Variants in AFG1L observed in about 807,000 individuals in gnomAD.
The protein encoded by AFG1L is AFG1-like ATPase.
In AFG1L, 53 loss-of-function variants were observed where a neutral mutation model predicts 62.2. That is an observed-to-expected ratio of 0.85 (90% CI 0.68 to 1.07). The LOEUF (loss-of-function observed/expected upper bound fraction) is 1.07, where lower values mean the gene tolerates loss of function less well. Ranked by LOEUF, AFG1L falls within the 50% of genes least tolerant of loss-of-function variation. The probability of loss-of-function intolerance (pLI) is 0.00; values close to 1 mark genes in which losing one functional copy is unlikely to be tolerated. For missense variants in AFG1L, 555 were observed against 590.5 expected, an observed-to-expected ratio of 0.94 and a Z score of 0.62; for synonymous variants, 228 against 210.3, an observed-to-expected ratio of 1.08 and a Z score of -0.73.
At chr6:108,340,810 A>C (rs1241149425) in intron 2 of AFG1L, among the ~76,000 whole-genome samples, 1 of 152,204 alleles carries the variant, frequency 6.6e-6, no homozygotes, top group East Asian at 1.9e-4. Context: ...GGAATGTCAC[A>C]GGAGGGAGGA....
At chr6:108,373,950 C>CTTAT (rs1312369982) in intron 6 of AFG1L, among the ~76,000 whole-genome samples, 1 of 152,182 alleles carries the variant, frequency 6.6e-6, no homozygotes, top group Non-Finnish European at 1.5e-5. Flanking sequence ...TTTACATTCC[C>CTTAT]ACCAATGGTG....
intron 10 of AFG1L, among the ~76,000 whole-genome samples, chr6:108,497,102 A>G (rs564874874): frequency 6.6e-6 from 1 of 152,296 alleles, no homozygotes; most frequent in South Asian, 2.1e-4. Context: ...ATTGATTTCT[A>G]GAAGTGAAAT....
At chr6:108,519,667 A>G (rs2274776) in intron 11 of AFG1L, 30 bp from the exon 12 acceptor site, 525,539 of 1,148,788 alleles carry the variant, frequency 0.46, 125,025 homozygotes, top group African/African-American at 0.72. Flanking sequence ...TGTAAAGAGT[A>G]ACACATTTAC....
At position 108,510,212 on chromosome 6, in the gene AFG1L, C is replaced by T. The variant is rs765868026; in HGVS notation, c.1063C>T (p.Pro355Ser). The change falls in exon 11 of 13, where the codon CCA becomes TCA. Residue 355 changes from proline to serine, a missense_variant and splice_region_variant. Coordinates refer to ENST00000368977, the MANE Select transcript of AFG1L (RefSeq NM_145315.5). ...DCTFEELCER[P>S]LGASDYLELS... ...TTTCTTTTATTTCATTTTATCATAG[C>T]CACTTGGAGCCAGTGACTATTTGGA... is the stretch of plus-strand genomic sequence containing the variant. The T allele has an allele frequency of 1.9e-6, 3 of 1,595,086 alleles. No individual in the cohort carries two copies. Among genetic ancestry groups the T allele is most frequent in the South Asian group, 1.1e-5 (1 of 87,442 alleles).
intron 5 of AFG1L, 58 bp from the exon 6 acceptor site, chr6:108,366,175 G>T: frequency 9.6e-7 from 1 of 1,043,024 alleles, no homozygotes; most frequent in Non-Finnish European, 1.4e-6. Flanking sequence ...TGATCCACTA[G>T]CAAATTTGTT....
intron 10 of AFG1L, among the ~76,000 whole-genome samples, chr6:108,499,630 T>C (rs1472195327): frequency 6.7e-6 from 1 of 148,630 alleles, no homozygotes; most frequent in Non-Finnish European, 1.5e-5. Flanking sequence ...AGCACACCTG[T>C]AGTTCTAGCT....
chr6:108,431,795 G>A lies in AFG1L; in HGVS notation c.808-15419G>A, dbSNP rs1771088944. Reference sequence around the variant, plus strand: ...GACGGGGTTTCACCATGTTGGCCAGGCTGGTCTCGAACTCCTGACCTCAAG... The same window carrying A: ...GACGGGGTTTCACCATGTTGGCCAGACTGGTCTCGAACTCCTGACCTCAAG... On this transcript the variant is annotated intron_variant, in intron 7 of 12. Coordinates refer to ENST00000368977, the MANE Select transcript of AFG1L (RefSeq NM_145315.5). Among the ~76,000 whole-genome samples the A allele has an allele frequency of 2.0e-5, 3 of 151,610 alleles. No homozygotes were observed. The South Asian group carries it at 6.3e-4, about 32-fold the overall frequency.
chr6:108,395,247 G>A (rs1392503984), intron 6 of AFG1L, among the ~76,000 whole-genome samples: 2 of 151,838 alleles, frequency 1.3e-5, no homozygotes, highest in Non-Finnish European at 1.5e-5. Context: ...ATAAGTATAT[G>A]TGGCATTTGA....
At chr6:108,295,300 A>C in intron 1 of AFG1L, 82 bp downstream of exon 1, 1 of 1,464,320 alleles carries the variant, frequency 6.8e-7, no homozygotes, top group Non-Finnish European at 9.1e-7. Context: ...TGTCCGATCT[A>C]CCCCAGGTGT....
Position 108,463,529 on chromosome 6 carries a change from G to A in AFG1L, c.891-13336G>A, listed in dbSNP as rs1045235636. ...GATGTCATGGTACTGATTTATTTGGGGAAAAATACAATATATAGATTTGAT... is the reference window on the plus strand; with the variant it reads ...GATGTCATGGTACTGATTTATTTGGAGAAAAATACAATATATAGATTTGAT... On this transcript the variant is annotated intron_variant, in intron 8 of 12. Coordinates refer to ENST00000368977, the MANE Select transcript of AFG1L (RefSeq NM_145315.5). Among the ~76,000 whole-genome samples, 4 of 151,682 alleles carry A rather than the reference G, an allele frequency of 2.6e-5. No homozygotes were observed. In the South Asian group the frequency reaches 8.3e-4, roughly 31 times the overall value.
At position 108,524,216 on chromosome 6, in the gene AFG1L, T is replaced by C. The variant is rs999268200; in HGVS notation, c.*1791T>C. ...AACAGAACCATTGATTTGAACTCAG[T>C]GAATATAAAATGTTTAACTTTATTC... On this transcript the variant is annotated 3_prime_UTR_variant, in exon 13 of 13. Coordinates refer to ENST00000368977, the MANE Select transcript of AFG1L (RefSeq NM_145315.5). 2 of 152,242 alleles carry C rather than the reference T, an allele frequency of 1.3e-5. No homozygotes were observed. The highest frequency in any genetic ancestry group is 4.8e-5 in the African/African-American group (2 of 41,466). 9.4% of individuals were successfully genotyped at this position (152,242 alleles called of 1,614,324 possible). A position where few individuals can be genotyped will look rare whatever the true frequency, so the allele number is the denominator to read the frequency against.
chr6:108,520,097 C>T (rs45465091), intron 12 of AFG1L: 22,985 of 250,104 alleles, frequency 0.092, 1,403 homozygotes, highest in South Asian at 0.23. Flanking sequence ...AGTCACACTG[C>T]TGAATAATGG....
At chr6:108,394,558 A>T (rs770288739) in intron 6 of AFG1L, among the ~76,000 whole-genome samples, 2 of 152,128 alleles carry the variant, frequency 1.3e-5, no homozygotes, top group Non-Finnish European at 2.9e-5. Flanking sequence ...AGTTTTATAT[A>T]AATGGAGTCA....
At chr6:108,344,997 C>T (rs1413234192) in intron 2 of AFG1L, 3 of 330,218 alleles carry the variant, frequency 9.1e-6, no homozygotes, top group Non-Finnish European at 1.8e-5. Context: ...TTTTTTCCCT[C>T]TCAGGGGCCC....
intron 6 of AFG1L, among the ~76,000 whole-genome samples, chr6:108,384,421 G>A (rs1029479333): frequency 6.6e-6 from 1 of 152,192 alleles, no homozygotes; most frequent in African/African-American, 2.4e-5. Flanking sequence ...CCAGAACTGA[G>A]ATTTGAGTTG....
In AFG1L at chr6:108,484,130, A is replaced by G. The variant is rs1773434945; in HGVS notation, c.1062+6838A>G. On this transcript the variant is annotated intron_variant, in intron 10 of 12. Coordinates refer to ENST00000368977, the MANE Select transcript of AFG1L (RefSeq NM_145315.5). ...TGGTGTTGGGATGCCAACAGTGGTA[A>G]TTAGCATCAAGGAATAAGGGCATTA... 2.0e-5 allele frequency among the ~76,000 whole-genome samples: 3 copies of G among 152,330 alleles called. No homozygotes were observed. In the South Asian group the frequency reaches 6.2e-4, roughly 32 times the overall value.
chr6:108,364,792 C>T (rs1005050752), intron 5 of AFG1L, among the ~76,000 whole-genome samples: 7 of 150,280 alleles, frequency 4.7e-5, no homozygotes, highest in Non-Finnish European at 1.0e-4. Flanking sequence ...CATTTAATCA[C>T]CATTTTGAAG....
At chr6:108,401,133 A>ATTTT (rs1198525387) in intron 6 of AFG1L, among the ~76,000 whole-genome samples, 2 of 119,634 alleles carry the variant, frequency 1.7e-5, no homozygotes, top group Non-Finnish European at 3.4e-5. Flanking sequence ...TGCCTGGCTA[A>ATTTT]TTTTTTTTTT....
intron 2 of AFG1L, among the ~76,000 whole-genome samples, chr6:108,333,941 T>C (rs373131499): frequency 4.6e-5 from 7 of 152,238 alleles, no homozygotes; most frequent in African/African-American, 1.7e-4. Flanking sequence ...CTGTTTGTAA[T>C]ATTCCATTGT....
Sources: gnomAD v4.1 joint callset for allele counts (sites outside exome capture counted in the v4.1 genomes callset) on GRCh38, gnomAD v4.1.1 for gene constraint, MANE v1.5 for transcripts, NCBI Gene and HGNC (gene_info 2026-07-23, HGNC 2026-07-21) for gene names.